EIF2AK1: variants seen among roughly 807,000 people sequenced by gnomAD.
EIF2AK1 encodes eukaryotic translation initiation factor 2-alpha kinase 1.
In EIF2AK1, 54 loss-of-function variants were observed where a neutral mutation model predicts 77.9. The observed-to-expected ratio is 0.69, with a 90% CI of 0.56 to 0.87. EIF2AK1 has a LOEUF of 0.87. Among genes scored for constraint, EIF2AK1 ranks in the 40% least tolerant of loss-of-function variants. The probability of loss-of-function intolerance (pLI) is 0.00; values close to 1 mark genes in which losing one functional copy is unlikely to be tolerated. For missense variants in EIF2AK1, 810 were observed against 768.6 expected, an observed-to-expected ratio of 1.05 and a Z score of -0.64; for synonymous variants, 314 against 290.5, an observed-to-expected ratio of 1.08 and a Z score of -0.82.
In EIF2AK1 at chr7:6,042,853, G is replaced by A. The variant is rs532226001; in HGVS notation, c.791+80C>T. 1.3e-5 allele frequency: 16 copies of A among 1,225,632 alleles called. 1 individual carries two copies. The highest frequency in any genetic ancestry group is 3.9e-4 in the Middle Eastern group (2 of 5,194). The allele number at this position is 1,225,632 out of a possible 1,614,324, so 75.9% of individuals were successfully genotyped here. A position where few individuals can be genotyped will look rare whatever the true frequency, so the allele number is the denominator to read the frequency against. On this transcript the variant is annotated intron_variant, in intron 8 of 14. Coordinates refer to ENST00000199389, the MANE Select transcript of EIF2AK1 (RefSeq NM_014413.4). The stretch of plus-strand genomic sequence containing the variant: ...TGCACTCTAGTCTGGGTGACAGAGC[G>A]AGACTCTGTCGCCAAAAAAAAGAAC...
chr7:6,049,741 G>T, intron 3 of EIF2AK1, 171 bp downstream of exon 3: 1 of 552,712 alleles, frequency 1.8e-6, no homozygotes, highest in Non-Finnish European at 3.0e-6. Context: ...ATCCATCTCA[G>T]CCTCCCAAAG....
chr7:6,046,890 A>T, intron 5 of EIF2AK1, 102 bp downstream of exon 5: 1 of 1,099,050 alleles, frequency 9.1e-7, no homozygotes, highest in Non-Finnish European at 1.3e-6. Flanking sequence ...ACAGAGCGAG[A>T]CTCCATCTCA....
In EIF2AK1 at chr7:6,032,622, G is replaced by C. The variant is rs964916615; in HGVS notation, c.1333-3590C>G. Among the ~76,000 whole-genome samples the C allele has an allele frequency of 3.3e-5, 5 of 152,126 alleles. No homozygotes were observed. The highest frequency in any genetic ancestry group is 7.2e-5 in the African/African-American group (3 of 41,410). ...TTATTTCTGTTGCCTCAGTAAATGT[G>C]CATTTCTGTGAAACACAGATTTTAT... On this transcript the variant is annotated intron_variant, in intron 11 of 14. Transcript: ENST00000199389. The surrounding 1 kb of genome is among the most constrained non-coding windows in gnomAD (Gnocchi z 4.3).
Position 6,032,879 on chromosome 7 carries a change from A to C in EIF2AK1, c.1333-3847T>G. 6.4e-7 allele frequency: 1 copy of C among 1,551,088 alleles called. No individual in the cohort carries two copies. The highest frequency in any genetic ancestry group is 8.7e-7 in the Non-Finnish European group (1 of 1,147,048). On this transcript the variant is annotated intron_variant, in intron 11 of 14. Transcript: ENST00000199389. This position sits in a 1 kb window ranked among gnomAD's most constrained non-coding sequence, Gnocchi z 4.3. ...ATCCCCATCCATCTGGCTGCCAAGT[A>C]CCACAAGGCCCAGAGTCTGCTCTGC...
chr7:6,034,496 C>A (rs1263659725), intron 11 of EIF2AK1, among the ~76,000 whole-genome samples: 1 of 152,078 alleles, frequency 6.6e-6, no homozygotes, highest in South Asian at 2.1e-4. Context: ...CTTTCCTACC[C>A]TGCATACTGC....
chr7:6,036,028 T>A lies in EIF2AK1; in HGVS notation c.1332+1396A>T. 1 of 1,551,090 alleles carries A rather than the reference T, an allele frequency of 6.4e-7. No homozygotes were observed. Among genetic ancestry groups the A allele is most frequent in the South Asian group, 1.2e-5 (1 of 84,056 alleles). ...GCAATCATCAATCTCCTGCTTGAAT[T>A]TGAAGCAAATGTTAACATTTTAACA... is the stretch of plus-strand genomic sequence containing the variant. On this transcript the variant is annotated intron_variant, in intron 11 of 14. Coordinates refer to ENST00000199389, the MANE Select transcript of EIF2AK1 (RefSeq NM_014413.4). This position sits in a 1 kb window ranked among gnomAD's most constrained non-coding sequence, Gnocchi z 4.6.
At chr7:6,042,484 T>C (rs1788327215) in intron 8 of EIF2AK1, among the ~76,000 whole-genome samples, 1 of 149,678 alleles carries the variant, frequency 6.7e-6, no homozygotes, top group African/African-American at 2.5e-5. Flanking sequence ...AGGAAATATC[T>C]GAAAGGAAGA....
chr7:6,044,785 A>G (rs962515124), intron 6 of EIF2AK1, 124 bp from the exon 7 acceptor site: 4 of 737,976 alleles, frequency 5.4e-6, no homozygotes, highest in Admixed American at 5.5e-5. Context: ...AGACATCACA[A>G]TTTTTGACAT....
Position 6,032,951 on chromosome 7 carries a change from C to G in EIF2AK1, c.1333-3919G>C. 6.5e-7 allele frequency: 1 copy of G among 1,541,406 alleles called. No homozygotes were observed. Among genetic ancestry groups the G allele is most frequent in the Middle Eastern group, 1.7e-4 (1 of 5,954 alleles). ...CCAGAAGTCAGGTAAGTTAACTCCACCGAAAATCATTTCTTTTTTTTTCTT... is the reference window on the plus strand; with the variant it reads ...CCAGAAGTCAGGTAAGTTAACTCCAGCGAAAATCATTTCTTTTTTTTTCTT... On this transcript the variant is annotated intron_variant, in intron 11 of 14. Transcript: ENST00000199389. This position sits in a 1 kb window ranked among gnomAD's most constrained non-coding sequence, Gnocchi z 4.3.
chr7:6,057,126 C>CTTTTTT (rs34958065), intron 1 of EIF2AK1, among the ~76,000 whole-genome samples: 16 of 90,732 alleles, frequency 1.8e-4, no homozygotes, highest in Non-Finnish European at 1.9e-4. Flanking sequence ...GACCCCATCT[C>CTTTTTT]TTTTTTTTTT....
In EIF2AK1 at chr7:6,040,861, C is replaced by CTAAT. The variant is rs768411133; in HGVS notation, c.1119+30_1119+31insATTA. The CTAAT allele has an allele frequency of 3.7e-5, 58 of 1,587,380 alleles. No individual in the cohort carries two copies. In the Middle Eastern group the frequency reaches 1.2e-3, roughly 34 times the overall value. ...CACCTGCACAGTCACCAATACTGGC[C>CTAAT]AAATTAGGAGGGTCTGGGAAAGTAA... On this transcript the variant is annotated intron_variant, in intron 9 of 14. Coordinates refer to ENST00000199389, the MANE Select transcript of EIF2AK1 (RefSeq NM_014413.4).
At chr7:6,030,296 T>C (rs968347212) in intron 11 of EIF2AK1, among the ~76,000 whole-genome samples, 1 of 152,144 alleles carries the variant, frequency 6.6e-6, no homozygotes, top group Non-Finnish European at 1.5e-5. Flanking sequence ...ATCGTAACCC[T>C]GTAGTCCTTG....
Position 6,041,059 on chromosome 7 carries a change from C to T in EIF2AK1, c.952G>A (p.Glu318Lys). The change falls in exon 9 of 15, where the codon GAA becomes AAA. Residue 318 changes from glutamate to lysine, a missense_variant. Physicochemically the swap from Glu to Lys is moderately conservative, Grantham distance 56 (BLOSUM62 1). This residue lies in a region of EIF2AK1 where 549 missense variants were observed against 533.7 expected (regional missense o/e 1.03). Coordinates refer to ENST00000199389, the MANE Select transcript of EIF2AK1 (RefSeq NM_014413.4). ...TGGAGCTCCAGGGTCGACTCAAGTTCACCAGATTCTCTTATGACTAAATTG... is the reference window on the plus strand; with the variant it reads ...TGGAGCTCCAGGGTCGACTCAAGTTTACCAGATTCTCTTATGACTAAATTG... Reference protein sequence around the residue: ...TTNLVIRESGELESTLELQEN... With the variant: ...TTNLVIRESGKLESTLELQEN... The T allele has an allele frequency of 6.2e-7, 1 of 1,614,104 alleles. No individual in the cohort carries two copies. The highest frequency in any genetic ancestry group is 1.1e-5 in the South Asian group (1 of 91,076).
In EIF2AK1 at chr7:6,035,768, T is replaced by A; in HGVS notation, c.1332+1656A>T. On this transcript the variant is annotated intron_variant, in intron 11 of 14. Transcript: ENST00000199389. The surrounding 1 kb of genome is among the most constrained non-coding windows in gnomAD (Gnocchi z 5.5). ...TTCACATGGCCGCAAACATGCTGAA[T>A]AAGGAGATGATGGAAACGCTCATTG... is the stretch of plus-strand genomic sequence containing the variant. 6.4e-7 allele frequency: 1 copy of A among 1,551,084 alleles called. No homozygotes were observed. Among genetic ancestry groups the A allele is most frequent in the Non-Finnish European group, 8.7e-7 (1 of 1,147,116 alleles).
chr7:6,043,529 A>G (rs1788356528), intron 7 of EIF2AK1, among the ~76,000 whole-genome samples: 1 of 152,088 alleles, frequency 6.6e-6, no homozygotes, highest in East Asian at 1.9e-4. Context: ...CCCGGGTTCA[A>G]GTGATTCTGC....
In EIF2AK1 at chr7:6,023,260, G is replaced by A; in HGVS notation, c.*1413C>T. 5 of 1,545,774 alleles carry A rather than the reference G, an allele frequency of 3.2e-6. No homozygotes were observed. The highest frequency in any genetic ancestry group is 4.3e-6 in the Non-Finnish European group (5 of 1,154,122). On this transcript the variant is annotated 3_prime_UTR_variant, in exon 15 of 15. Coordinates refer to ENST00000199389, the MANE Select transcript of EIF2AK1 (RefSeq NM_014413.4). ...CCCCACTGTGCGAGTACTTCCCTCA[G>A]GGCTGCTCTGGTGATGCTACCTGGC...
Position 6,027,873 on chromosome 7 carries a change from T to A in EIF2AK1, c.1530+742A>T. On this transcript the variant is annotated intron_variant, in intron 13 of 14. Transcript: ENST00000199389. This position sits in a 1 kb window ranked among gnomAD's most constrained non-coding sequence, Gnocchi z 4.5. ...TGAGGCCAGGAGTTTGAGACCAACC[T>A]GGACAAAGCAAGACCCATCTCTACA... 1 of 423,634 alleles carries A rather than the reference T, an allele frequency of 2.4e-6. No individual in the cohort carries two copies. Among genetic ancestry groups the A allele is most frequent in the Non-Finnish European group, 4.7e-6 (1 of 213,120 alleles). The allele number at this position is 423,634 out of a possible 1,614,324, so 26.2% of individuals were successfully genotyped here.
At chr7:6,051,792 A>G (rs1788613851) in intron 2 of EIF2AK1, among the ~76,000 whole-genome samples, 1 of 152,180 alleles carries the variant, frequency 6.6e-6, no homozygotes, top group Admixed American at 6.6e-5. Flanking sequence ...CTAAAAAAAA[A>G]GAAAAAAGAA....
intron 8 of EIF2AK1, among the ~76,000 whole-genome samples, chr7:6,042,649 G>T (rs1197772746): frequency 6.6e-6 from 1 of 151,890 alleles, no homozygotes; most frequent in African/African-American, 2.4e-5. Context: ...GGCACATCAC[G>T]AGGCCAGGAG....
Sources: allele counts gnomAD v4.1 joint callset (sites outside exome capture counted in the v4.1 genomes callset), GRCh38; gene constraint gnomAD v4.1.1; regional missense constraint gnomAD v4.1.1; non-coding constraint Gnocchi (gnomAD v3.1); transcripts MANE v1.5; gene names NCBI Gene and HGNC (gene_info 2026-07-23, HGNC 2026-07-21).